The following SEMA4D variants were observed in gnomAD, a reference collection of about 807,000 sequenced individuals.
SEMA4D encodes the protein semaphorin-4D.
A neutral mutation model predicts 74.8 loss-of-function variants in SEMA4D; 22 were observed. The observed-to-expected ratio is 0.29, with a 90% CI of 0.21 to 0.42. The LOEUF (loss-of-function observed/expected upper bound fraction) is 0.42, where lower values mean the gene tolerates loss of function less well. SEMA4D is among the 10% of genes least tolerant of loss of function. SEMA4D has a pLI of 1.00. For missense variants in SEMA4D, 937 were observed against 1,118.4 expected (o/e 0.84, Z 2.31); for synonymous variants, 445 against 463.7 (o/e 0.96, Z 0.52).
At chr9:89,493,623 C>T (rs1246485571) in intron 1 of SEMA4D, among the ~76,000 whole-genome samples, 3 of 152,174 alleles carry the variant, frequency 2.0e-5, no homozygotes, top group African/African-American at 7.2e-5. Context: ...AGGCAAATTA[C>T]GTTCTGGCTG....
At chr9:89,435,727 C>G (rs1015242100) in intron 2 of SEMA4D, among the ~76,000 whole-genome samples, 2 of 152,222 alleles carry the variant, frequency 1.3e-5, no homozygotes, top group African/African-American at 4.8e-5. Context: ...CCCACCCGGC[C>G]CCGACCAGCC....
intron 1 of SEMA4D, among the ~76,000 whole-genome samples, chr9:89,473,862 AAAC>A (rs1861082114): frequency 6.6e-6 from 1 of 152,152 alleles, no homozygotes; most frequent in African/African-American, 2.4e-5. Context: ...AAACAAAACA[AAAC>A]AAAACAAACA....
chr9:89,462,889 A>T (rs1024599795), intron 1 of SEMA4D, among the ~76,000 whole-genome samples: 2 of 23,214 alleles, frequency 8.6e-5, no homozygotes, highest in African/African-American at 3.7e-4. Context: ...GGCTGCAGAG[A>T]GCTGTGATCA....
chr9:89,418,597 T>C (rs1488028709), intron 2 of SEMA4D: 1 of 206,964 alleles, frequency 4.8e-6, no homozygotes, highest in Non-Finnish European at 8.5e-6. Context: ...GGATGGCTGG[T>C]TTTCAGCCAA....
rs140426740 is a variant in SEMA4D, at chr9:89,408,860, A to G, written c.-243-3161T>C. On this transcript the variant is annotated intron_variant, in intron 2 of 15. Transcript: ENST00000422704. ...CAGTGCCAAGCTGTGCACAGCAAGG[A>G]TAAAGCAGAAACAACCTCTCTCGTG... 2.5e-3 allele frequency among the ~76,000 whole-genome samples: 376 copies of G among 152,364 alleles called. 2 individuals carry two copies. Among genetic ancestry groups the G allele is most frequent in the African/African-American group, 8.2e-3 (342 of 41,590 alleles).
At chr9:89,443,152 A>G (rs1461192383) in intron 2 of SEMA4D, among the ~76,000 whole-genome samples, 3 of 152,150 alleles carry the variant, frequency 2.0e-5, no homozygotes, top group African/African-American at 7.2e-5. Context: ...TCCCCTAGGG[A>G]CTTCTCCACA....
intron 2 of SEMA4D, chr9:89,449,566 C>G (rs1853839118): frequency 1.2e-6 from 1 of 810,818 alleles, no homozygotes; most frequent in Non-Finnish European, 2.2e-6. Flanking sequence ...AGATGTCAGG[C>G]AAAGACGAGC....
chr9:89,362,184 TAA>T, exon 19 of SEMA4D: 1 of 663,840 alleles, frequency 1.5e-6, no homozygotes, highest in Non-Finnish European at 2.6e-6. Flanking sequence ...CCTAATTTTT[TAA>T]GTCTTAGTTC....
chr9:89,376,851 G>C (rs917799491), downstream of SEMA4D: 28 of 1,549,588 alleles, frequency 1.8e-5, no homozygotes, highest in Admixed American at 3.9e-5. Flanking sequence ...TGGCAGAAGA[G>C]GTAGAAGTTC....
intron 2 of SEMA4D, among the ~76,000 whole-genome samples, chr9:89,453,474 T>C (rs1443182763): frequency 6.6e-6 from 1 of 152,228 alleles, no homozygotes; most frequent in African/African-American, 2.4e-5. Flanking sequence ...GCAGAGCCCT[T>C]TGCTGCCTGT....
At chr9:89,460,677 C>G (rs940693253) in intron 1 of SEMA4D, among the ~76,000 whole-genome samples, 2 of 152,214 alleles carry the variant, frequency 1.3e-5, no homozygotes, top group Non-Finnish European at 2.9e-5. Context: ...CTCACATGCA[C>G]AGCTGGTCCT....
intron 18 of SEMA4D, chr9:89,362,554 C>T: frequency 1.3e-6 from 2 of 1,544,790 alleles, no homozygotes; most frequent in Admixed American, 1.7e-5. Flanking sequence ...TGTTGTGGTT[C>T]CCCTCCTTGG....
At chr9:89,380,957 A>C (rs1056208526) in intron 15 of SEMA4D, 98 bp downstream of exon 15, 2 of 1,452,478 alleles carry the variant, frequency 1.4e-6, no homozygotes, top group Non-Finnish European at 1.9e-6. Flanking sequence ...GAGAAAGAAA[A>C]ACAAAACACA....
chr9:89,480,874 G>C (rs959527722), intron 1 of SEMA4D, among the ~76,000 whole-genome samples: 1 of 152,384 alleles, frequency 6.6e-6, no homozygotes, highest in South Asian at 2.1e-4. Flanking sequence ...CCACAGTGCA[G>C]TGGGGGACTG....
chr9:89,363,162 C>T (rs1316655893), intron 18 of SEMA4D, among the ~76,000 whole-genome samples: 1 of 152,192 alleles, frequency 6.6e-6, no homozygotes, highest in East Asian at 1.9e-4. Flanking sequence ...ACTAGACAGC[C>T]CCACCTGTGA....
chr9:89,373,850 TCTC>T (rs1194553009), downstream of SEMA4D, among the ~76,000 whole-genome samples: 7 of 152,066 alleles, frequency 4.6e-5, no homozygotes, highest in African/African-American at 1.7e-4. Flanking sequence ...TGGCACTCAC[TCTC>T]CTCAGGAAAG....
In SEMA4D at chr9:89,399,133, A is replaced by C; in HGVS notation, c.315+143T>G. 3 of 694,140 alleles carry C rather than the reference A, an allele frequency of 4.3e-6. No homozygotes were observed. The Admixed American group carries it at 7.3e-5, about 17-fold the overall frequency. The allele number at this position is 694,140 out of a possible 1,614,324, so 43.0% of individuals were successfully genotyped here. The stretch of plus-strand genomic sequence containing the variant: ...AATAGAGGGATGAGCTCCAAGACGC[A>C]TCACAACAAAACCAAGCCCAGCAGA... On this transcript the variant is annotated intron_variant, in intron 5 of 15. Transcript: ENST00000422704.
intron 1 of SEMA4D, among the ~76,000 whole-genome samples, chr9:89,482,236 G>A (rs1824773445): frequency 6.6e-6 from 1 of 152,212 alleles, no homozygotes; most frequent in Non-Finnish European, 1.5e-5. Context: ...CACAGAGAAT[G>A]TGCACCAGCA....
At chr9:89,428,723 T>C (rs1245442783) in intron 2 of SEMA4D, among the ~76,000 whole-genome samples, 2 of 152,160 alleles carry the variant, frequency 1.3e-5, no homozygotes, top group African/African-American at 4.8e-5. Flanking sequence ...TACAGGACCA[T>C]GGTGCACACG....
Sources: allele counts gnomAD v4.1 joint callset (sites outside exome capture counted in the v4.1 genomes callset), GRCh38; gene constraint gnomAD v4.1.1; transcripts MANE v1.5; gene names NCBI Gene and HGNC (gene_info 2026-07-23, HGNC 2026-07-21).